The following SLC43A3 variants were observed in gnomAD, a reference collection of about 807,000 sequenced individuals.
SLC43A3 encodes the protein solute carrier family 43 member 3, also known as equilibrative nucleobase transporter 1.
A neutral mutation model predicts 53.3 loss-of-function variants in SLC43A3; 33 were observed. The observed-to-expected ratio is 0.62, with a 90% CI of 0.47 to 0.83. The LOEUF is 0.83. Ranked by LOEUF, SLC43A3 falls within the 40% of genes least tolerant of loss-of-function variation. The pLI, the probability that SLC43A3 is intolerant of heterozygous loss-of-function variation, is 0.00. For missense variants in SLC43A3, 530 were observed against 610.0 expected, an observed-to-expected ratio of 0.87 and a Z score of 1.38; for synonymous variants, 236 against 246.2, an observed-to-expected ratio of 0.96 and a Z score of 0.39.
chr11:57,407,937 G>T, intron 13 of SLC43A3, 41 bp from the exon 14 acceptor site: 5 of 1,328,742 alleles, frequency 3.8e-6, no homozygotes, highest in South Asian at 3.6e-5. Context: ...CAGGAATTCT[G>T]AACAACAGAA....
chr11:57,413,946 C>T (rs1942595979), intron 11 of SLC43A3, among the ~76,000 whole-genome samples: 1 of 152,192 alleles, frequency 6.6e-6, no homozygotes, highest in South Asian at 2.1e-4. Flanking sequence ...CTCCAGGAAG[C>T]CTTCCCTGAC....
At chr11:57,413,061 C>CA (rs1190635755) in intron 11 of SLC43A3, among the ~76,000 whole-genome samples, 2,943 of 76,050 alleles carry the variant, frequency 0.039, 69 homozygotes, top group African/African-American at 0.094. Flanking sequence ...TTATTCACGG[C>CA]AAAAAAAAAA....
At chr11:57,423,251 A>G (rs1943066076) in intron 5 of SLC43A3, among the ~76,000 whole-genome samples, 1 of 152,194 alleles carries the variant, frequency 6.6e-6, no homozygotes, top group African/African-American at 2.4e-5. Flanking sequence ...GACTTAACAG[A>G]CTGGTGAAAT....
In SLC43A3 at chr11:57,417,782, T is replaced by G; in HGVS notation, c.637A>C (p.Ile213Leu). The change falls in exon 8 of 14, where the codon ATC becomes CTC. Residue 213 changes from isoleucine (I) to leucine (L), a missense_variant. By Grantham distance (5) the Ile-to-Leu change is conservative. This residue lies in a region of SLC43A3 where 376 missense variants were observed against 386.7 expected (regional missense o/e 0.97). Transcript: ENST00000395124. Reference protein sequence around the residue: ...RTFLLMPRGHIPYPLPPNYSY... With the variant: ...RTFLLMPRGHLPYPLPPNYSY... ...TAGTTGGGGGGCAGTGGGTATGGGA[T>G]GTGCCCCCGGGGCATCAGGAGGAAA... 1 of 1,614,130 alleles carries G rather than the reference T, an allele frequency of 6.2e-7. No homozygotes were observed. Among genetic ancestry groups the G allele is most frequent in the Admixed American group, 1.7e-5 (1 of 60,014 alleles).
chr11:57,411,793 T>C (rs977821681), intron 11 of SLC43A3, among the ~76,000 whole-genome samples: 1 of 152,176 alleles, frequency 6.6e-6, no homozygotes, highest in African/African-American at 2.4e-5. Context: ...TTAGCAATTG[T>C]ATTGTTATCA....
chr11:57,411,612 C>A (rs1396391711), intron 11 of SLC43A3, among the ~76,000 whole-genome samples: 1 of 152,048 alleles, frequency 6.6e-6, no homozygotes, highest in Non-Finnish European at 1.5e-5. Context: ...CTGCAGTGAG[C>A]CGTGATCGTA....
At chr11:57,422,931 A>G (rs557082952) in intron 5 of SLC43A3, among the ~76,000 whole-genome samples, 2 of 152,358 alleles carry the variant, frequency 1.3e-5, no homozygotes, top group Admixed American at 1.3e-4. Flanking sequence ...AGTGCAGACA[A>G]TCTCATGATG....
intron 1 of SLC43A3, 126 bp downstream of exon 1, chr11:57,426,936 G>A (rs1943221068): frequency 6.6e-6 from 1 of 151,214 alleles, no homozygotes; most frequent in African/African-American, 2.5e-5. Flanking sequence ...AAAGCCTCCG[G>A]GGGCCGCTCC....
At chr11:57,422,247 T>C (rs868271595) in intron 5 of SLC43A3, among the ~76,000 whole-genome samples, 4 of 152,234 alleles carry the variant, frequency 2.6e-5, no homozygotes, top group African/African-American at 7.2e-5. Flanking sequence ...TTGTCATGAA[T>C]AGAAAGTAAC....
chr11:57,414,758 G>A (rs1034694798), intron 10 of SLC43A3, 27 bp from the exon 11 acceptor site: 4 of 1,592,996 alleles, frequency 2.5e-6, no homozygotes, highest in Non-Finnish European at 3.4e-6. Flanking sequence ...GAGGTTGGTT[G>A]ATGAGAAGTT....
At chr11:57,426,444 G>A in intron 2 of SLC43A3, 92 bp from the exon 3 acceptor site, 1 of 486,318 alleles carries the variant, frequency 2.1e-6, no homozygotes, top group Non-Finnish European at 3.7e-6. Flanking sequence ...TTAAGAGGCA[G>A]GATGATCATG....
chr11:57,422,188 T>C (rs763596540), intron 5 of SLC43A3, among the ~76,000 whole-genome samples: 1 of 152,244 alleles, frequency 6.6e-6, no homozygotes, highest in Non-Finnish European at 1.5e-5. Context: ...AGTATCTATT[T>C]TTAAAGGACA....
rs766946784 is a variant in SLC43A3 at position 57,420,991 on chromosome 11, G to A, written c.512C>T (p.Ala171Val). The A allele has an allele frequency of 6.2e-7, 1 of 1,612,254 alleles. No individual in the cohort carries two copies. The highest frequency in any genetic ancestry group is 1.1e-5 in the South Asian group (1 of 91,024). ...LYNGAFDSSS[A>V]VFLIIKLLYE... ...ATTTACCTTAATAATAAGGAAGACT[G>A]CCGAGGAAGAGTCAAATGCTCCATT... is the stretch of plus-strand genomic sequence containing the variant. The change falls in exon 7 of 14, where the codon GCA (alanine) becomes GTA (valine). Residue 171 changes from alanine (A) to valine (V), a missense_variant. Coordinates refer to ENST00000395124, the MANE Select transcript of SLC43A3 (RefSeq NM_199329.3).
chr11:57,407,463 G>A lies in SLC43A3; in HGVS notation c.*329C>T, dbSNP rs1942259939. 4.0e-6 allele frequency: 1 copy of A among 247,584 alleles called. No homozygotes were observed. Among genetic ancestry groups the A allele is most frequent in the Admixed American group, 5.1e-5 (1 of 19,718 alleles). The allele number at this position is 247,584 out of a possible 1,614,324, so 15.3% of individuals were successfully genotyped here. A position where few individuals can be genotyped will look rare whatever the true frequency, so the allele number is the denominator to read the frequency against. On this transcript the variant is annotated 3_prime_UTR_variant, in exon 14 of 14. Transcript: ENST00000395124. ...ACATATAGGCTTCGGAGCCAAACAG[G>A]CCTAAAGAAATAGTTGACACACTTC...
chr11:57,412,847 G>A lies in SLC43A3; in HGVS notation c.1060+1768C>T, dbSNP rs796350995. Among the ~76,000 whole-genome samples the A allele has an allele frequency of 9.2e-5, 14 of 151,690 alleles. No individual in the cohort carries two copies. In the South Asian group the frequency reaches 1.7e-3, roughly 18 times the overall value. On this transcript the variant is annotated intron_variant, in intron 11 of 13. Coordinates refer to ENST00000395124, the MANE Select transcript of SLC43A3 (RefSeq NM_199329.3). ...AAAGAAAAGAAAATCATCCTTTTGC[G>A]ATCCTAATGAAATAATGGGCCTAGG...
chr11:57,419,544 T>C (rs547953636), intron 7 of SLC43A3, among the ~76,000 whole-genome samples: 2 of 152,254 alleles, frequency 1.3e-5, no homozygotes, highest in Non-Finnish European at 2.9e-5. Context: ...ATGCCTGTAA[T>C]TTCAGCACTT....
chr11:57,410,016 G>C lies in SLC43A3; in HGVS notation c.1166C>G (p.Pro389Arg), dbSNP rs1381000407. The stretch of plus-strand genomic sequence containing the variant: ...CAGGATGAAGGTGAGGTACTGGAGA[G>C]GGAGGATGGGGACTGAGGCACAGAG... Reference protein sequence around the residue: ...FALCASVPILPLQYLTFILQV... With the variant: ...FALCASVPILRLQYLTFILQV... The change falls in exon 12 of 14, where the codon CCT becomes CGT. Residue 389 changes from proline to arginine, a missense_variant. By Grantham distance (103) the Pro-to-Arg change is moderately radical. This residue lies in a region of SLC43A3 where 124 missense variants were observed against 166.4 expected (regional missense o/e 0.75). Transcript: ENST00000395124. The C allele has an allele frequency of 2.0e-5, 33 of 1,613,334 alleles. No homozygotes were observed. Among genetic ancestry groups the C allele is most frequent in the Non-Finnish European group, 2.8e-5 (33 of 1,179,802 alleles).
upstream of SLC43A3, chr11:57,427,441 C>A: frequency 6.5e-6 from 1 of 152,714 alleles, no homozygotes; most frequent in Non-Finnish European, 1.5e-5. Context: ...ACCCAGAGGA[C>A]ACACAGACAG....
chr11:57,407,105 C>T lies in SLC43A3; in HGVS notation c.*687G>A, dbSNP rs2134491440. Reference sequence around the variant, plus strand: ...TCCTTCGGTCAAGCAGGTCAGCTGGCTCCCATGGCCCTTGGGGTGGCCTGA... The same window carrying T: ...TCCTTCGGTCAAGCAGGTCAGCTGGTTCCCATGGCCCTTGGGGTGGCCTGA... On this transcript the variant is annotated 3_prime_UTR_variant, in exon 14 of 14. Transcript: ENST00000395124. 6.6e-6 allele frequency: 1 copy of T among 152,362 alleles called. No homozygotes were observed. The highest frequency in any genetic ancestry group is 2.1e-4 in the South Asian group (1 of 4,832). 9.4% of individuals were successfully genotyped at this position (152,362 alleles called of 1,614,324 possible).
Sources: allele counts gnomAD v4.1 joint callset (sites outside exome capture counted in the v4.1 genomes callset), GRCh38; gene constraint gnomAD v4.1.1; regional missense constraint gnomAD v4.1.1; transcripts MANE v1.5; gene names NCBI Gene and HGNC (gene_info 2026-07-23, HGNC 2026-07-21).